Variants in ADAM11 observed in about 807,000 individuals in gnomAD.
ADAM11 encodes ADAM metallopeptidase domain 11.
Under a neutral mutation model 119.1 loss-of-function variants are expected in ADAM11, and 49 were observed. That is an observed-to-expected ratio of 0.41 (90% CI 0.33 to 0.52). ADAM11 has a LOEUF of 0.52. Among genes scored for constraint, ADAM11 ranks in the 20% least tolerant of loss-of-function variants. The pLI is 0.20. For synonymous variants in ADAM11, 364 were observed against 408.0 expected (o/e 0.89, Z 1.30); for missense variants, 777 against 1,047.5 (o/e 0.74, Z 3.56).
In ADAM11 at chr17:44,776,638, C is replaced by T. The variant is rs1049619365; in HGVS notation, c.1567-107C>T. On this transcript the variant is annotated intron_variant, in intron 18 of 26. Coordinates refer to ENST00000200557, the MANE Select transcript of ADAM11 (RefSeq NM_002390.6). This position sits in a 1 kb window ranked among gnomAD's most constrained non-coding sequence, Gnocchi z 5.2. The stretch of plus-strand genomic sequence containing the variant: ...TCCTAGGCGTGGAAGAGCCCTGTGG[C>T]ATGAGCCCCCAATGGGGGGCACTTG... The T allele has an allele frequency of 8.0e-6, 11 of 1,367,054 alleles. No individual in the cohort carries two copies. In the African/African-American group the frequency reaches 1.2e-4, roughly 14 times the overall value. The allele number at this position is 1,367,054 out of a possible 1,614,324, so 84.7% of individuals were successfully genotyped here.
chr17:44,771,908 C>T lies in ADAM11; in HGVS notation c.543+77C>T. The T allele has an allele frequency of 2.7e-6, 4 of 1,497,774 alleles. No homozygotes were observed. The South Asian group carries it at 4.8e-5, about 18-fold the overall frequency. 92.8% of individuals were successfully genotyped at this position (1,497,774 alleles called of 1,614,324 possible). On this transcript the variant is annotated intron_variant, in intron 6 of 26. Coordinates refer to ENST00000200557, the MANE Select transcript of ADAM11 (RefSeq NM_002390.6). Reference sequence around the variant, plus strand: ...GTCCCAACAGCTGTTGCTGCCACCTCTTCCTCCTCCGGCTCCTCCCTCAGT... The same window carrying T: ...GTCCCAACAGCTGTTGCTGCCACCTTTTCCTCCTCCGGCTCCTCCCTCAGT...
chr17:44,775,645 G>A lies in ADAM11; in HGVS notation c.1454G>A (p.Cys485Tyr), dbSNP rs2049590578. ...TGCACCCTGACTCACGACGCCATGT[G>A]CAGCGACGGGCTCTGCTGTCGCCGC... ...KKCTLTHDAM[C>Y]SDGLCCRRCK... is the part of the protein sequence containing the mutation. The change falls in exon 17 of 27, where the codon TGC (cysteine) becomes TAC (tyrosine). Residue 485 changes from cysteine (C) to tyrosine (Y), a missense_variant. Transcript: ENST00000200557. This position sits in a 1 kb window ranked among gnomAD's most constrained non-coding sequence, Gnocchi z 7.5. 6.3e-7 allele frequency: 1 copy of A among 1,591,116 alleles called. No individual in the cohort carries two copies. The highest frequency in any genetic ancestry group is 8.5e-7 in the Non-Finnish European group (1 of 1,170,232).
At chr17:44,770,406 T>C (rs953830898) in intron 4 of ADAM11, among the ~76,000 whole-genome samples, 1 of 151,330 alleles carries the variant, frequency 6.6e-6, no homozygotes, top group Non-Finnish European at 1.5e-5. Context: ...GCCCCGAAAA[T>C]CCCAGCTGCC....
rs2049589139 is a variant in ADAM11 at position 44,775,586 on chromosome 17, G to A, written c.1395G>A (p.Glu465=). The part of the protein sequence containing the change: ...GEECDCGSVQ[E]CSRAGGNCCK... ...TCCCCTCCTCCCGCGTCCCTCAGGA[G>A]TGCAGCCGCGCAGGTGGCAACTGCT... Residue 465 remains glutamate, a splice_region_variant and synonymous_variant, in exon 17 of 27, where the codon GAG becomes GAA. Transcript: ENST00000200557. This position sits in a 1 kb window ranked among gnomAD's most constrained non-coding sequence, Gnocchi z 7.5. The A allele has an allele frequency of 6.4e-7, 1 of 1,573,516 alleles. No homozygotes were observed.
rs999575310 is a variant in ADAM11, at chr17:44,770,503, C to CCGCCG, written c.381+456_381+457insGCCGC. On this transcript the variant is annotated intron_variant, in intron 4 of 26. Transcript: ENST00000200557. ...ATAGCCTGTCTCCCCCCCCCCCGCC[C>CCGCCG]CCACTGCCTGTTCAGTAACTGGAGC... Among the ~76,000 whole-genome samples the CCGCCG allele has an allele frequency of 1.2e-4, 16 of 135,012 alleles. 1 individual carries two copies. The highest frequency in any genetic ancestry group is 3.9e-4 in the African/African-American group (14 of 35,812). 88.6% of individuals were successfully genotyped at this position (135,012 alleles called of 152,430 possible).
intron 2 of ADAM11, among the ~76,000 whole-genome samples, chr17:44,766,637 A>C (rs2049454570): frequency 2.0e-5 from 3 of 152,040 alleles, no homozygotes; most frequent in Admixed American, 2.0e-4. Context: ...TGGGCCAGTC[A>C]CCTCCAGGTG....
At position 44,781,593 on chromosome 17, in the gene ADAM11, G is replaced by A. The variant is rs1018658992; in HGVS notation, c.*1839G>A. 6.6e-6 allele frequency: 1 copy of A among 152,360 alleles called. No homozygotes were observed. Among genetic ancestry groups the A allele is most frequent in the African/African-American group, 2.4e-5 (1 of 41,458 alleles). 9.4% of individuals were successfully genotyped at this position (152,360 alleles called of 1,614,324 possible). A position where few individuals can be genotyped will look rare whatever the true frequency, so the allele number is the denominator to read the frequency against. On this transcript the variant is annotated 3_prime_UTR_variant, in exon 27 of 27. Transcript: ENST00000200557. ...TCTGCACATATGGGCGTATCTGTGTGTGCTCGTGTATATGGGGTGGGGAAC... is the reference window on the plus strand; with the variant it reads ...TCTGCACATATGGGCGTATCTGTGTATGCTCGTGTATATGGGGTGGGGAAC...
At chr17:44,762,571 G>A (rs1360108183) in intron 2 of ADAM11, among the ~76,000 whole-genome samples, 1 of 152,126 alleles carries the variant, frequency 6.6e-6, no homozygotes, top group African/African-American at 2.4e-5. Context: ...CCGGTGTGGA[G>A]CTGGCAGCAA....
In ADAM11 at chr17:44,776,321, G is replaced by A; in HGVS notation, c.1566+114G>A. 1 of 1,114,144 alleles carries A rather than the reference G, an allele frequency of 9.0e-7. No homozygotes were observed. Among genetic ancestry groups the A allele is most frequent in the Non-Finnish European group, 1.3e-6 (1 of 753,500 alleles). The allele number at this position is 1,114,144 out of a possible 1,614,324, so 69.0% of individuals were successfully genotyped here. A position where few individuals can be genotyped will look rare whatever the true frequency, so the allele number is the denominator to read the frequency against. On this transcript the variant is annotated intron_variant, in intron 18 of 26. Transcript: ENST00000200557. The surrounding 1 kb of genome is among the most constrained non-coding windows in gnomAD (Gnocchi z 5.2). Reference sequence around the variant, plus strand: ...TCCCCTCCTCTCCACAGCTGGCATCGACCTCCACTGATCAGACTGTTTTCT... The same window carrying A: ...TCCCCTCCTCTCCACAGCTGGCATCAACCTCCACTGATCAGACTGTTTTCT...
chr17:44,775,600 G>A lies in ADAM11; in HGVS notation c.1409G>A (p.Gly470Asp), dbSNP rs757485601. Reference protein sequence around the residue: ...CGSVQECSRAGGNCCKKCTLT... With the variant: ...CGSVQECSRADGNCCKKCTLT... ...GTCCCTCAGGAGTGCAGCCGCGCAG[G>A]TGGCAACTGCTGCAAGAAATGCACC... is the stretch of plus-strand genomic sequence containing the variant. Residue 470 changes from glycine (G) to aspartate (D), a missense_variant, in exon 17 of 27, where the codon GGT becomes GAT. Gly to Asp is a moderately conservative substitution (Grantham distance 94). This residue lies in a region of ADAM11 where 348 missense variants were observed against 486.7 expected (regional missense o/e 0.72). Transcript: ENST00000200557. The surrounding 1 kb of genome is among the most constrained non-coding windows in gnomAD (Gnocchi z 7.5). 2 of 1,581,768 alleles carry A rather than the reference G, an allele frequency of 1.3e-6. No homozygotes were observed. Among genetic ancestry groups the A allele is most frequent in the Non-Finnish European group, 1.7e-6 (2 of 1,165,062 alleles).
intron 2 of ADAM11, among the ~76,000 whole-genome samples, chr17:44,763,108 C>T (rs556815087): frequency 8.3e-4 from 126 of 152,332 alleles, no homozygotes; most frequent in Non-Finnish European, 1.1e-3. Flanking sequence ...TGCACTCCAA[C>T]CTAGGCTACA....
At chr17:44,778,430 G>A (rs544358112) in intron 25 of ADAM11, among the ~76,000 whole-genome samples, 188 bp downstream of exon 25, 107 of 152,100 alleles carry the variant, frequency 7.0e-4, no homozygotes, top group Non-Finnish European at 1.4e-3. Flanking sequence ...GGTGGCTCAC[G>A]CCTGTAATCC....
Position 44,773,440 on chromosome 17 carries a change from C to T in ADAM11, c.992+13C>T, listed in dbSNP as rs1321360241. 1.9e-6 allele frequency: 3 copies of T among 1,608,850 alleles called. No homozygotes were observed. Among genetic ancestry groups the T allele is most frequent in the African/African-American group, 2.7e-5 (2 of 74,954 alleles). ...CCCACCTCTTCTCGTGAGTCCCCCA[C>T]CCTGCACCTCCTGCCAGCCTCTGCT... On this transcript the variant is annotated intron_variant, in intron 11 of 26. Transcript: ENST00000200557. The surrounding 1 kb of genome is among the most constrained non-coding windows in gnomAD (Gnocchi z 4.6).
At chr17:44,766,281 C>T (rs999784643) in intron 2 of ADAM11, among the ~76,000 whole-genome samples, 2 of 152,152 alleles carry the variant, frequency 1.3e-5, no homozygotes, top group African/African-American at 4.8e-5. Flanking sequence ...TCTCCCTTCT[C>T]GAATTTCCTG....
chr17:44,762,492 A>G (rs570377408), intron 2 of ADAM11, among the ~76,000 whole-genome samples: 5 of 152,196 alleles, frequency 3.3e-5, no homozygotes, highest in Non-Finnish European at 7.3e-5. Flanking sequence ...CCTAGCCAGA[A>G]GTACCCCAGC....
Position 44,775,362 on chromosome 17 carries a change from G to A in ADAM11, c.1321-32G>A. ...GGGAGCGGGCCCTGGGCGGGGTCCGGGCCAGACTCCCGACCTGTCCTCCCG... is the reference window on the plus strand; with the variant it reads ...GGGAGCGGGCCCTGGGCGGGGTCCGAGCCAGACTCCCGACCTGTCCTCCCG... On this transcript the variant is annotated intron_variant, in intron 15 of 26. Transcript: ENST00000200557. This position sits in a 1 kb window ranked among gnomAD's most constrained non-coding sequence, Gnocchi z 7.5. 6.2e-7 allele frequency: 1 copy of A among 1,613,054 alleles called. No homozygotes were observed. Among genetic ancestry groups the A allele is most frequent in the Non-Finnish European group, 8.5e-7 (1 of 1,179,760 alleles).
chr17:44,760,043 A>G, intron 2 of ADAM11, 146 bp downstream of exon 2: 1 of 843,130 alleles, frequency 1.2e-6, no homozygotes, highest in Non-Finnish European at 1.6e-6. Context: ...TGGGTGCTGG[A>G]GCCCACTGGT....
Position 44,779,220 on chromosome 17 carries a change from A to G in ADAM11, c.2277-2A>G. The G allele has an allele frequency of 6.3e-7, 1 of 1,587,320 alleles. No homozygotes were observed. The stretch of plus-strand genomic sequence containing the variant: ...TCCCCTTCCACCATCCTCCCCCTGC[A>G]GAAACATTCGCCGAGGAAGGTACGA... On this transcript the variant is annotated splice_acceptor_variant, in intron 25 of 26. Coordinates refer to ENST00000200557, the MANE Select transcript of ADAM11 (RefSeq NM_002390.6). LOFTEE classifies it high-confidence loss of function.
rs755387992 is a variant in ADAM11 at position 44,777,549 on chromosome 17, G to A, written c.1849G>A (p.Gly617Arg). 1.9e-6 allele frequency: 3 copies of A among 1,614,076 alleles called. No homozygotes were observed. Among genetic ancestry groups the A allele is most frequent in the African/African-American group, 2.7e-5 (2 of 74,920 alleles). ...AGCTCCTCGGCTAGGGGACCTGGTGGGAGACATCAGTAGTGTCACCTTCTA... is the reference window on the plus strand; with the variant it reads ...AGCTCCTCGGCTAGGGGACCTGGTGAGAGACATCAGTAGTGTCACCTTCTA... ...SGAPRLGDLV[G>R]DISSVTFYHQ... Residue 617 changes from glycine (G) to arginine (R), a missense_variant, in exon 22 of 27, where the codon GGA becomes AGA. By Grantham distance (125) the Gly-to-Arg change is moderately radical. Around this residue, in one of 4 missense-constraint regions of ADAM11, gnomAD observed 348 missense variants for 486.7 expected, o/e 0.72. Coordinates refer to ENST00000200557, the MANE Select transcript of ADAM11 (RefSeq NM_002390.6). The surrounding 1 kb of genome is among the most constrained non-coding windows in gnomAD (Gnocchi z 5.1).
Sources: gnomAD v4.1 joint callset for allele counts (sites outside exome capture counted in the v4.1 genomes callset) on GRCh38, gnomAD v4.1.1 for gene constraint, gnomAD v4.1.1 regional missense constraint, Gnocchi (gnomAD v3.1) non-coding constraint, MANE v1.5 for transcripts, NCBI Gene and HGNC (gene_info 2026-07-23, HGNC 2026-07-21) for gene names.